SEM1: variants seen among roughly 807,000 people sequenced by gnomAD.
SEM1 encodes the protein 26S proteasome complex subunit SEM1.
SEM1 carries 3 observed loss-of-function variants against 12.7 expected under a neutral mutation model. That is an observed-to-expected ratio of 0.24 (90% CI 0.11 to 0.61). The LOEUF is 0.61. SEM1 is among the 20% of genes least tolerant of loss of function. The pLI is 0.88. For missense variants in SEM1, 59 were observed against 81.3 expected (o/e 0.73, Z 1.06); for synonymous variants, 30 against 27.8 (o/e 1.08, Z -0.25).
intron 2 of SEM1, among the ~76,000 whole-genome samples, chr7:96,588,208 T>C (rs184896869): frequency 1.1e-4 from 16 of 151,832 alleles, no homozygotes; most frequent in Admixed American, 9.2e-4. Flanking sequence ...ATTTAAAAAT[T>C]AGCCAGGTGT....
intron 2 of SEM1, among the ~76,000 whole-genome samples, chr7:96,533,568 A>G (rs1804703416): frequency 6.6e-6 from 1 of 151,998 alleles, no homozygotes; most frequent in Non-Finnish European, 1.5e-5. Flanking sequence ...GAAATCCATC[A>G]TAAGCTTGTG....
intron 2 of SEM1, among the ~76,000 whole-genome samples, chr7:96,553,226 T>G (rs1292004535): frequency 6.7e-6 from 1 of 150,206 alleles, no homozygotes; most frequent in Non-Finnish European, 1.5e-5. Context: ...ATTTTGTCTT[T>G]TGTTGCCATT....
intron 1 of SEM1, chr7:96,496,189 A>C: frequency 1.3e-6 from 1 of 753,954 alleles, no homozygotes. Flanking sequence ...AGATAGTTAA[A>C]ATCATCGTCA....
chr7:96,486,543 G>A, intron 1 of SEM1: 1 of 747,972 alleles, frequency 1.3e-6, no homozygotes, highest in Admixed American at 2.6e-5. Flanking sequence ...CCTTGAGTGA[G>A]GTGGGGAAAC....
At chr7:96,520,876 C>A (rs560602806) in intron 2 of SEM1, among the ~76,000 whole-genome samples, 1 of 152,058 alleles carries the variant, frequency 6.6e-6, no homozygotes, top group Non-Finnish European at 1.5e-5. Flanking sequence ...GCCCACTGAT[C>A]CCAGCTTGCA....
At chr7:96,659,464 A>G (rs1788910680) in intron 2 of SEM1, among the ~76,000 whole-genome samples, 1 of 152,234 alleles carries the variant, frequency 6.6e-6, no homozygotes, top group Admixed American at 6.5e-5. Context: ...AAAGATCTTT[A>G]CTAAATGCAC....
intron 2 of SEM1, among the ~76,000 whole-genome samples, chr7:96,558,744 T>G (rs960947066): frequency 2.6e-5 from 4 of 152,194 alleles, no homozygotes; most frequent in Non-Finnish European, 5.9e-5. Flanking sequence ...CTGAGTAACT[T>G]CAGACTCAGA....
At chr7:96,588,532 C>G (rs995547665) in intron 2 of SEM1, among the ~76,000 whole-genome samples, 5 of 151,886 alleles carry the variant, frequency 3.3e-5, no homozygotes, top group Non-Finnish European at 5.9e-5. Context: ...ATAGAAGTAC[C>G]ACTACTCTCT....
chr7:96,612,997 A>G (rs1258622810), intron 2 of SEM1, among the ~76,000 whole-genome samples: 1 of 152,200 alleles, frequency 6.6e-6, no homozygotes, highest in Non-Finnish European at 1.5e-5. Flanking sequence ...GTACAAAAGA[A>G]AGTATTTTTT....
chr7:96,649,742 C>A (rs967400521), intron 2 of SEM1: 1 of 152,174 alleles, frequency 6.6e-6, no homozygotes, highest in Non-Finnish European at 1.5e-5. Context: ...GAAGTTGAAC[C>A]AAGCCCTGCT....
chr7:96,690,826 A>C (rs1789909866), intron 2 of SEM1, among the ~76,000 whole-genome samples: 1 of 152,168 alleles, frequency 6.6e-6, no homozygotes, highest in Admixed American at 6.5e-5. Context: ...GCTGGAGTGC[A>C]GTGGTGCCAT....
chr7:96,708,508 T>A (rs1268560818), intron 1 of SEM1, among the ~76,000 whole-genome samples: 1 of 152,232 alleles, frequency 6.6e-6, no homozygotes, highest in Non-Finnish European at 1.5e-5. Flanking sequence ...GTGTACCCCA[T>A]TAACCACAAT....
intron 1 of SEM1, among the ~76,000 whole-genome samples, chr7:96,702,650 A>G (rs1436879366): frequency 6.6e-6 from 1 of 152,224 alleles, no homozygotes; most frequent in Non-Finnish European, 1.5e-5. Context: ...TTTGATGATC[A>G]CTGGAATACT....
intron 2 of SEM1, among the ~76,000 whole-genome samples, chr7:96,656,215 T>C (rs549015523): frequency 6.6e-5 from 10 of 152,298 alleles, no homozygotes; most frequent in Non-Finnish European, 1.2e-4. Context: ...TGTTGCCTGA[T>C]CTCTCTGGTG....
At chr7:96,552,111 G>C (rs949651370) in intron 2 of SEM1, among the ~76,000 whole-genome samples, 3 of 152,164 alleles carry the variant, frequency 2.0e-5, no homozygotes, top group East Asian at 3.9e-4. Flanking sequence ...GGGGAAGCGT[G>C]GCCTCACCAT....
chr7:96,699,153 G>C (rs1012786854), intron 1 of SEM1, among the ~76,000 whole-genome samples: 2 of 152,038 alleles, frequency 1.3e-5, no homozygotes, highest in Non-Finnish European at 2.9e-5. Flanking sequence ...AGACACGCAT[G>C]GGCAAAATCA....
At chr7:96,657,434 T>A (rs1809216239) in intron 2 of SEM1, among the ~76,000 whole-genome samples, 2 of 152,324 alleles carry the variant, frequency 1.3e-5, no homozygotes, top group Admixed American at 6.5e-5. Flanking sequence ...CTCTTTCAGA[T>A]TTGGGTTCAG....
intron 2 of SEM1, among the ~76,000 whole-genome samples, chr7:96,571,409 G>A (rs965577737): frequency 6.6e-6 from 1 of 152,030 alleles, no homozygotes; most frequent in East Asian, 1.9e-4. Context: ...TCCAGTTTCA[G>A]TTTTCTGCAG....
chr7:96,606,236 TG>T (rs1807374347), intron 2 of SEM1, among the ~76,000 whole-genome samples: 1 of 152,150 alleles, frequency 6.6e-6, no homozygotes, highest in Non-Finnish European at 1.5e-5. Context: ...AGGCATCCAC[TG>T]GGGGTAATTG....
Sources: allele counts gnomAD v4.1 joint callset (sites outside exome capture counted in the v4.1 genomes callset), GRCh38; gene constraint gnomAD v4.1.1; transcripts MANE v1.5; gene names NCBI Gene and HGNC (gene_info 2026-07-23, HGNC 2026-07-21).